The following PPM1H variants were observed in gnomAD, a reference collection of about 807,000 sequenced individuals.
PPM1H encodes protein phosphatase 1H.
PPM1H carries 27 observed loss-of-function variants against 54.9 expected under a neutral mutation model. The observed-to-expected ratio is 0.49, with a 90% CI of 0.36 to 0.68. The LOEUF (loss-of-function observed/expected upper bound fraction) is 0.68, where lower values mean the gene tolerates loss of function less well. PPM1H is among the 30% of genes least tolerant of loss of function. The probability of loss-of-function intolerance (pLI) is 0.00; values close to 1 mark genes in which losing one functional copy is unlikely to be tolerated. For synonymous variants in PPM1H, 305 were observed against 270.8 expected (o/e 1.13, Z -1.24); for missense variants, 596 against 667.8 (o/e 0.89, Z 1.19).
chr12:62,931,858 A>T (rs968568776), intron 1 of PPM1H, among the ~76,000 whole-genome samples: 1 of 152,220 alleles, frequency 6.6e-6, no homozygotes, highest in African/African-American at 2.4e-5. Context: ...TTTAAGAAGA[A>T]TGAGGTAATT....
chr12:62,692,056 C>T lies in PPM1H; in HGVS notation c.1137+1880G>A, dbSNP rs181781984. On this transcript the variant is annotated intron_variant, in intron 7 of 9. Coordinates refer to ENST00000228705, the MANE Select transcript of PPM1H (RefSeq NM_020700.2). ...ACGAAGTATCCAGGTGTTACCCACACCAGTCTTTAAAAGCATCTGAAGAAA... is the reference window on the plus strand; with the variant it reads ...ACGAAGTATCCAGGTGTTACCCACATCAGTCTTTAAAAGCATCTGAAGAAA... 1.7e-3 allele frequency among the ~76,000 whole-genome samples: 263 copies of T among 152,244 alleles called. 2 individuals are homozygous for T. The highest frequency in any genetic ancestry group is 6.1e-3 in the African/African-American group (255 of 41,540).
intron 5 of PPM1H, among the ~76,000 whole-genome samples, chr12:62,721,485 A>G (rs1185409143): frequency 1.3e-5 from 2 of 152,144 alleles, no homozygotes; most frequent in African/African-American, 4.8e-5. Context: ...TAGCCTCAAC[A>G]GTTTCTAGGT....
intron 1 of PPM1H, among the ~76,000 whole-genome samples, chr12:62,907,426 C>T (rs1871333069): frequency 6.6e-6 from 1 of 152,190 alleles, no homozygotes; most frequent in Non-Finnish European, 1.5e-5. Flanking sequence ...GACCTGTGTT[C>T]AGGTTTGCCA....
intron 1 of PPM1H, among the ~76,000 whole-genome samples, chr12:62,885,581 G>T (rs1174325630): frequency 6.6e-6 from 1 of 151,998 alleles, no homozygotes; most frequent in Admixed American, 6.6e-5. Context: ...ACACTCAAGG[G>T]GATTACACAG....
At chr12:62,658,049 C>G (rs1231295296) in intron 9 of PPM1H, among the ~76,000 whole-genome samples, 1 of 101,258 alleles carries the variant, frequency 9.9e-6, no homozygotes, top group East Asian at 2.6e-4. Flanking sequence ...TCATTAAATC[C>G]AGGTTACAAA....
intron 1 of PPM1H, among the ~76,000 whole-genome samples, chr12:62,857,078 A>G (rs1869417419): frequency 6.6e-6 from 1 of 152,230 alleles, no homozygotes; most frequent in African/African-American, 2.4e-5. Context: ...TTCTGGAATC[A>G]TATAATTCCC....
chr12:62,887,266 T>G (rs1432470114), intron 1 of PPM1H, among the ~76,000 whole-genome samples: 1 of 152,164 alleles, frequency 6.6e-6, no homozygotes, highest in Non-Finnish European at 1.5e-5. Context: ...TTAACAAAAG[T>G]GCAGCTTCCA....
Position 62,793,310 on chromosome 12 carries a change from G to C in PPM1H, c.757-4972C>G, listed in dbSNP as rs1223087196. Reference sequence around the variant, plus strand: ...AGGTAGCAGGACTGAGTTATCTTCTGTTGTGTCTGCTTAAACACAACATTT... The same window carrying C: ...AGGTAGCAGGACTGAGTTATCTTCTCTTGTGTCTGCTTAAACACAACATTT... On this transcript the variant is annotated intron_variant, in intron 3 of 9. Transcript: ENST00000228705. Among the ~76,000 whole-genome samples the C allele has an allele frequency of 2.0e-5, 3 of 152,118 alleles. No individual in the cohort carries two copies. The East Asian group carries it at 5.8e-4, about 29-fold the overall frequency.
chr12:62,878,715 G>A (rs1244402143), intron 1 of PPM1H, among the ~76,000 whole-genome samples: 1 of 151,568 alleles, frequency 6.6e-6, no homozygotes, highest in Non-Finnish European at 1.5e-5. Flanking sequence ...CGAGGCAGGT[G>A]GATCACTTGA....
intron 9 of PPM1H, among the ~76,000 whole-genome samples, chr12:62,653,628 TGAA>T (rs1385520347): frequency 6.6e-6 from 1 of 152,238 alleles, no homozygotes; most frequent in Non-Finnish European, 1.5e-5. Flanking sequence ...ATGGTGAGTG[TGAA>T]GAAGAATAAG....
chr12:62,882,150 G>C (rs1264164101), intron 1 of PPM1H, among the ~76,000 whole-genome samples: 2 of 152,196 alleles, frequency 1.3e-5, no homozygotes, highest in Non-Finnish European at 2.9e-5. Context: ...AATATATTAA[G>C]CTATGGTGAT....
At chr12:62,667,546 A>T (rs2075926818) in intron 8 of PPM1H, among the ~76,000 whole-genome samples, 1 of 152,192 alleles carries the variant, frequency 6.6e-6, no homozygotes, top group Non-Finnish European at 1.5e-5. Flanking sequence ...CACATTTGTG[A>T]ATGAGCCTAA....
intron 4 of PPM1H, among the ~76,000 whole-genome samples, chr12:62,742,657 C>G (rs2076388136): frequency 6.6e-6 from 1 of 152,132 alleles, no homozygotes; most frequent in African/African-American, 2.4e-5. Context: ...AAAACAAAAA[C>G]CAAATGCCGT....
chr12:62,720,340 A>G, intron 5 of PPM1H, 51 bp from the exon 6 acceptor site: 1 of 1,370,080 alleles, frequency 7.3e-7, no homozygotes, highest in Non-Finnish European at 1.0e-6. Context: ...TATTTAGAGA[A>G]ACAAAATAAG....
intron 9 of PPM1H, among the ~76,000 whole-genome samples, chr12:62,655,845 A>G (rs2075841487): frequency 6.6e-6 from 1 of 152,146 alleles, no homozygotes. Context: ...CCCAGGAGAC[A>G]TGTTTTGAAT....
chr12:62,781,602 C>T (rs1185067367), intron 4 of PPM1H, among the ~76,000 whole-genome samples: 1 of 152,216 alleles, frequency 6.6e-6, no homozygotes, highest in Non-Finnish European at 1.5e-5. Context: ...TAAACACAGA[C>T]TGCTGGGTCC....
intron 1 of PPM1H, among the ~76,000 whole-genome samples, chr12:62,879,126 G>T (rs574234624): frequency 2.0e-5 from 3 of 152,300 alleles, no homozygotes; most frequent in African/African-American, 4.8e-5. Context: ...CCTCTAGGTG[G>T]GGGCGAGAGC....
intron 2 of PPM1H, among the ~76,000 whole-genome samples, chr12:62,829,611 G>T (rs940067213): frequency 1.3e-5 from 2 of 152,218 alleles, no homozygotes; most frequent in Non-Finnish European, 2.9e-5. Flanking sequence ...GCTGTGGTCG[G>T]AGCAGGACTG....
At chr12:62,824,090 T>G (rs1198341132) in intron 2 of PPM1H, among the ~76,000 whole-genome samples, 1 of 150,986 alleles carries the variant, frequency 6.6e-6, no homozygotes, top group Admixed American at 6.6e-5. Context: ...ATCACAAGCA[T>G]TCTTATACAC....
Sources: gnomAD v4.1 joint callset for allele counts (sites outside exome capture counted in the v4.1 genomes callset) on GRCh38, gnomAD v4.1.1 for gene constraint, MANE v1.5 for transcripts, NCBI Gene and HGNC (gene_info 2026-07-23, HGNC 2026-07-21) for gene names.